PTPRD: variants seen among roughly 807,000 people sequenced by gnomAD.
PTPRD encodes the protein receptor-type tyrosine-protein phosphatase delta.
PTPRD carries 34 observed loss-of-function variants against 214.5 expected under a neutral mutation model. The observed-to-expected ratio is 0.16, with a 90% CI of 0.12 to 0.21. The LOEUF is 0.21. Ranked by LOEUF, PTPRD falls within the 10% of genes least tolerant of loss-of-function variation. The pLI, the probability that PTPRD is intolerant of heterozygous loss-of-function variation, is 1.00. For synonymous variants in PTPRD, 1,128 were observed against 845.7 expected, an observed-to-expected ratio of 1.33 and a Z score of -5.79; for missense variants, 2,545 against 2,398.7, an observed-to-expected ratio of 1.06 and a Z score of -1.27.
intron 8 of PTPRD, among the ~76,000 whole-genome samples, chr9:9,470,448 G>T (rs2094511793): frequency 6.6e-6 from 1 of 152,158 alleles, no homozygotes; most frequent in East Asian, 1.9e-4. Flanking sequence ...CAGAAACTTT[G>T]AATTCTTTAA....
At chr9:9,708,977 T>C (rs2097676960) in intron 7 of PTPRD, among the ~76,000 whole-genome samples, 1 of 152,000 alleles carries the variant, frequency 6.6e-6, no homozygotes, top group Admixed American at 6.6e-5. Flanking sequence ...ATAGCATCAA[T>C]TATACCATGA....
chr9:9,917,223 C>G (rs1217556265), intron 5 of PTPRD, among the ~76,000 whole-genome samples: 1 of 103,478 alleles, frequency 9.7e-6, no homozygotes, highest in Non-Finnish European at 2.0e-5. Context: ...AAAATTGATA[C>G]TAAAAAAATT....
chr9:10,531,884 G>T (rs2056455793), intron 2 of PTPRD, among the ~76,000 whole-genome samples: 1 of 152,150 alleles, frequency 6.6e-6, no homozygotes, highest in Admixed American at 6.6e-5. Flanking sequence ...TTATTGTAAA[G>T]TGGACAATGG....
intron 12 of PTPRD, among the ~76,000 whole-genome samples, chr9:8,671,012 G>A (rs938470014): frequency 1.5e-4 from 23 of 152,066 alleles, no homozygotes; most frequent in African/African-American, 5.3e-4. Context: ...TGTGGAGGTG[G>A]GGGGAGGATG....
intron 12 of PTPRD, among the ~76,000 whole-genome samples, chr9:8,652,368 A>G (rs2096829760): frequency 1.3e-5 from 2 of 152,208 alleles, no homozygotes; most frequent in Non-Finnish European, 2.9e-5. Context: ...TAGAAGGAAA[A>G]TCAACCAATA....
chr9:9,100,620 A>T (rs985323007), intron 10 of PTPRD, among the ~76,000 whole-genome samples: 1 of 152,152 alleles, frequency 6.6e-6, no homozygotes, highest in Admixed American at 6.5e-5. Context: ...ACAAAACAAA[A>T]ATTTAATGAC....
intron 8 of PTPRD, among the ~76,000 whole-genome samples, chr9:9,414,319 A>C (rs975693369): frequency 1.3e-5 from 2 of 152,220 alleles, no homozygotes; most frequent in Non-Finnish European, 2.9e-5. Context: ...CTTTTCCTTC[A>C]TAAAAGTTGA....
At chr9:9,370,942 T>TA (rs2059324925) in intron 9 of PTPRD, among the ~76,000 whole-genome samples, 1 of 152,298 alleles carries the variant, frequency 6.6e-6, no homozygotes, top group Non-Finnish European at 1.5e-5. Flanking sequence ...TGAACCAGCC[T>TA]TGCATCCCAG....
At chr9:9,331,179 TC>T (rs1273419329) in intron 9 of PTPRD, among the ~76,000 whole-genome samples, 1 of 152,088 alleles carries the variant, frequency 6.6e-6, no homozygotes, top group Non-Finnish European at 1.5e-5. Flanking sequence ...CGTTCTGTTC[TC>T]TTCTCTCCAA....
intron 35 of PTPRD, among the ~76,000 whole-genome samples, chr9:8,430,288 C>A (rs2094955230): frequency 6.6e-6 from 1 of 150,622 alleles, no homozygotes; most frequent in African/African-American, 2.4e-5. Flanking sequence ...TACTTTTTTT[C>A]AGACAGGGTC....
chr9:9,816,101 C>T (rs1302971074), intron 5 of PTPRD, among the ~76,000 whole-genome samples: 1 of 152,086 alleles, frequency 6.6e-6, no homozygotes, highest in Admixed American at 6.6e-5. Flanking sequence ...TATCATATCA[C>T]CATATACTAC....
intron 12 of PTPRD, among the ~76,000 whole-genome samples, chr9:8,682,909 G>A (rs1326962921): frequency 1.3e-5 from 2 of 152,046 alleles, no homozygotes; most frequent in East Asian, 3.8e-4. Context: ...TTCTGCTGTT[G>A]CTATTTTGTT....
intron 9 of PTPRD, among the ~76,000 whole-genome samples, chr9:9,362,046 G>C (rs1421440449): frequency 6.6e-6 from 1 of 150,942 alleles, no homozygotes; most frequent in Non-Finnish European, 1.5e-5. Flanking sequence ...CATGGCACTT[G>C]TTCAAATGTT....
intron 11 of PTPRD, among the ~76,000 whole-genome samples, chr9:8,968,640 G>T (rs187139411): frequency 6.6e-6 from 1 of 152,080 alleles, no homozygotes; most frequent in Admixed American, 6.6e-5. Context: ...CAAAGGAAAA[G>T]TTATTTAAAG....
intron 3 of PTPRD, among the ~76,000 whole-genome samples, chr9:10,090,917 TATACACACACAC>T (rs1377691771): frequency 1.9e-5 from 1 of 52,976 alleles, no homozygotes; most frequent in African/African-American, 8.1e-5. Flanking sequence ...ATAAATGAAA[TATACACACACAC>T]ACACACACAC....
At chr9:8,449,049 GA>G (rs1374103095) in intron 34 of PTPRD, among the ~76,000 whole-genome samples, 2 of 152,154 alleles carry the variant, frequency 1.3e-5, no homozygotes, top group African/African-American at 4.8e-5. Context: ...ATCTAGGCAT[GA>G]ATAAACAATA....
intron 8 of PTPRD, among the ~76,000 whole-genome samples, chr9:9,515,256 T>C (rs2096806584): frequency 2.6e-5 from 4 of 152,142 alleles, no homozygotes; most frequent in Admixed American, 2.6e-4. Context: ...TAATCATTGC[T>C]TGCCTACTCT....
At chr9:9,764,974 G>C (rs370619165) in intron 6 of PTPRD, among the ~76,000 whole-genome samples, 2 of 152,128 alleles carry the variant, frequency 1.3e-5, no homozygotes, top group African/African-American at 4.8e-5. Flanking sequence ...GAGATTATTT[G>C]CATTGTGCTA....
intron 2 of PTPRD, among the ~76,000 whole-genome samples, chr9:10,373,842 C>G (rs1277026963): frequency 6.6e-6 from 1 of 152,078 alleles, no homozygotes; most frequent in Non-Finnish European, 1.5e-5. Context: ...CAGCTGCTGA[C>G]TCCTGAAGCC....
Sources: gnomAD v4.1 joint callset for allele counts (sites outside exome capture counted in the v4.1 genomes callset) on GRCh38, gnomAD v4.1.1 for gene constraint, MANE v1.5 for transcripts, NCBI Gene and HGNC (gene_info 2026-07-23, HGNC 2026-07-21) for gene names.